The following RBFOX1 variants were observed in gnomAD, a reference collection of about 807,000 sequenced individuals.
RBFOX1 encodes RNA binding fox-1 homolog 1.
RBFOX1 carries 8 observed loss-of-function variants against 57.7 expected under a neutral mutation model. That is an observed-to-expected ratio of 0.14 (90% CI 0.08 to 0.25). The LOEUF is 0.25. Among genes scored for constraint, RBFOX1 ranks in the 10% least tolerant of loss-of-function variants. RBFOX1 has a pLI of 1.00. For synonymous variants in RBFOX1, 326 were observed against 222.4 expected (o/e 1.47, Z -4.15); for missense variants, 611 against 548.5 (o/e 1.11, Z -1.14).
chr16:7,676,689 A>T (rs2191134), intron 13 of RBFOX1, 85 bp from the exon 14 acceptor site: 2 of 1,171,276 alleles, frequency 1.7e-6, no homozygotes, highest in Admixed American at 1.7e-5. Flanking sequence ...TTTGGGTAAC[A>T]GCTGCTCTGG....
intron 4 of RBFOX1, among the ~76,000 whole-genome samples, chr16:7,130,585 A>T (rs370000580): frequency 4.6e-5 from 7 of 152,280 alleles, no homozygotes; most frequent in African/African-American, 1.4e-4. Context: ...TGTGCAAATA[A>T]TGTGTGTTGA....
intron 1 of RBFOX1, among the ~76,000 whole-genome samples, chr16:5,311,939 G>A (rs906438394): frequency 6.6e-6 from 1 of 152,142 alleles, no homozygotes; most frequent in African/African-American, 2.4e-5. Context: ...TAATCTGTGG[G>A]CAAATCCATC....
chr16:7,579,801 G>C lies in RBFOX1; in HGVS notation c.295G>C (p.Asp99His), dbSNP rs774467606. 1.2e-6 allele frequency: 2 copies of C among 1,614,064 alleles called. No homozygotes were observed. The highest frequency in any genetic ancestry group is 2.7e-5 in the African/African-American group (2 of 75,020). ...ATQTDDAAPTDGQPQTQPSEN... is the reference protein window; with the variant it reads ...ATQTDDAAPTHGQPQTQPSEN... ...GCAGACAGATGACGCAGCACCGACG[G>C]ATGGCCAGCCCCAGACACAACCTTC... The change falls in exon 6 of 16, where the codon GAT (aspartate) becomes CAT (histidine). Residue 99 changes from aspartate (D) to histidine (H), a missense_variant. Physicochemically the swap from Asp to His is moderately conservative, Grantham distance 81. This residue lies in a region of RBFOX1 where 245 missense variants were observed against 159.1 expected (regional missense o/e 1.54). Coordinates refer to ENST00000550418, the MANE Select transcript of RBFOX1 (RefSeq NM_018723.4).
At chr16:7,022,627 A>T (rs1031927592) in intron 3 of RBFOX1, among the ~76,000 whole-genome samples, 1 of 152,162 alleles carries the variant, frequency 6.6e-6, no homozygotes, top group Non-Finnish European at 1.5e-5. Context: ...GCACTGCAGT[A>T]GGCTCTGGAT....
At chr16:7,153,831 C>T (rs536975043) in intron 4 of RBFOX1, among the ~76,000 whole-genome samples, 9 of 151,876 alleles carry the variant, frequency 5.9e-5, no homozygotes, top group African/African-American at 1.9e-4. Flanking sequence ...GAGGAAGATG[C>T]CCTCAAACAG....
At chr16:7,244,169 C>T (rs912983686) in intron 4 of RBFOX1, among the ~76,000 whole-genome samples, 1 of 139,442 alleles carries the variant, frequency 7.2e-6, no homozygotes, top group Non-Finnish European at 1.5e-5. Context: ...GAAAAAAAAT[C>T]AGAGTAAATA....
chr16:5,314,755 CCTCTCAAAGTG>C (rs2064186203), intron 1 of RBFOX1, among the ~76,000 whole-genome samples: 1 of 151,758 alleles, frequency 6.6e-6, no homozygotes, highest in South Asian at 2.1e-4. Context: ...CCTGCTTTGG[CCTCTCAAAGTG>C]CTGAGATTTG....
At chr16:6,644,770 G>C (rs1466047292) in intron 2 of RBFOX1, among the ~76,000 whole-genome samples, 2 of 152,146 alleles carry the variant, frequency 1.3e-5, no homozygotes, top group Non-Finnish European at 2.9e-5. Context: ...GCCTGTGATT[G>C]CCCTGGGATT....
chr16:5,678,338 C>G (rs2050226846), intron 3 of RBFOX1, among the ~76,000 whole-genome samples: 1 of 152,180 alleles, frequency 6.6e-6, no homozygotes, highest in Non-Finnish European at 1.5e-5. Context: ...GTTCTTAAGC[C>G]TCTGTTGCAA....
chr16:5,304,315 C>T (rs2063878107), intron 1 of RBFOX1, among the ~76,000 whole-genome samples: 1 of 152,194 alleles, frequency 6.6e-6, no homozygotes, highest in Non-Finnish European at 1.5e-5. Context: ...GACATTAAAT[C>T]AGGAGGCTCC....
chr16:6,388,306 C>G (rs752296042), intron 2 of RBFOX1, among the ~76,000 whole-genome samples: 1 of 151,666 alleles, frequency 6.6e-6, no homozygotes, highest in African/African-American at 2.4e-5. Flanking sequence ...ACTTGGGGGA[C>G]GTAGGTCTGA....
intron 4 of RBFOX1, among the ~76,000 whole-genome samples, chr16:5,936,212 C>T (rs1315267167): frequency 6.6e-6 from 1 of 152,190 alleles, no homozygotes; most frequent in African/African-American, 2.4e-5. Context: ...CAACTTCTGT[C>T]TCCCAGGTTC....
chr16:7,254,425 A>T (rs928426362), intron 4 of RBFOX1, among the ~76,000 whole-genome samples: 3 of 152,118 alleles, frequency 2.0e-5, no homozygotes, highest in African/African-American at 7.2e-5. Context: ...CATTGCCAAG[A>T]TATCACTGGC....
chr16:7,515,478 TACACACACAC>T (rs144695101), intron 4 of RBFOX1, among the ~76,000 whole-genome samples: 2 of 146,716 alleles, frequency 1.4e-5, no homozygotes, highest in African/African-American at 5.0e-5. Context: ...CACACACACA[TACACACACAC>T]ACACACACAC....
At chr16:5,262,242 C>G (rs1044174929) in intron 1 of RBFOX1, among the ~76,000 whole-genome samples, 4 of 152,104 alleles carry the variant, frequency 2.6e-5, no homozygotes, top group African/African-American at 9.7e-5. Context: ...TGTTATGTAT[C>G]AATTTGACTG....
intron 3 of RBFOX1, among the ~76,000 whole-genome samples, chr16:6,950,836 CTT>C (rs1164271097): frequency 6.6e-6 from 1 of 152,106 alleles, no homozygotes; most frequent in Non-Finnish European, 1.5e-5. Context: ...TTCCTCAGCT[CTT>C]TCTTTTTTCT....
chr16:7,273,257 CCTT>C lies in RBFOX1; in HGVS notation c.27+221161_27+221163del, dbSNP rs2095373281. ...TCCTTCCTTCCTTCCTTCCTTCCTT[CCTT>C]CCTCCCTTTCTCTTTTTCTCATCTA... On this transcript the variant is annotated intron_variant, in intron 4 of 15. Coordinates refer to ENST00000550418, the MANE Select transcript of RBFOX1 (RefSeq NM_018723.4). Among the ~76,000 whole-genome samples, 4 of 142,676 alleles carry C rather than the reference CCTT, an allele frequency of 2.8e-5. 1 individual carries two copies. Among genetic ancestry groups the C allele is most frequent in the South Asian group, 2.4e-4 (1 of 4,198 alleles). The allele number at this position is 142,676 out of a possible 152,430, so 93.6% of individuals were successfully genotyped here.
intron 1 of RBFOX1, among the ~76,000 whole-genome samples, chr16:6,200,862 G>A (rs1285135935): frequency 6.6e-6 from 1 of 151,996 alleles, no homozygotes; most frequent in Non-Finnish European, 1.5e-5. Context: ...AAGTGTTTGA[G>A]GTGTGTGCTT....
chr16:7,304,977 GTGCT>G (rs1271143827), intron 4 of RBFOX1, among the ~76,000 whole-genome samples: 11 of 144,490 alleles, frequency 7.6e-5, no homozygotes, highest in Non-Finnish European at 1.7e-4. Flanking sequence ...AGTTTGTGTG[GTGCT>G]ATATTCGGTC....
Sources: gnomAD v4.1 joint callset for allele counts (sites outside exome capture counted in the v4.1 genomes callset) on GRCh38, gnomAD v4.1.1 for gene constraint, gnomAD v4.1.1 regional missense constraint, MANE v1.5 for transcripts, NCBI Gene and HGNC (gene_info 2026-07-23, HGNC 2026-07-21) for gene names.